Variants in TPO observed in about 807,000 individuals in gnomAD.
TPO encodes the protein thyroid peroxidase.
Under a neutral mutation model 96.9 loss-of-function variants are expected in TPO, and 78 were observed. The observed-to-expected ratio is 0.81, with a 90% CI of 0.67 to 0.97. TPO has a LOEUF of 0.97. TPO is among the 50% of genes least tolerant of loss of function. TPO has a pLI of 0.00. For missense variants in TPO, 1,252 were observed against 1,274.8 expected (o/e 0.98, Z 0.27); for synonymous variants, 547 against 538.0 (o/e 1.02, Z -0.23).
At chr2:1,392,832 G>A (rs754257955) in intron 1 of TPO, among the ~76,000 whole-genome samples, 16 of 152,064 alleles carry the variant, frequency 1.1e-4, no homozygotes, top group Non-Finnish European at 2.2e-4. Context: ...TGTGGGATTG[G>A]TGGTGATATC....
intron 2 of TPO, among the ~76,000 whole-genome samples, chr2:1,416,286 C>G (rs562327345): frequency 6.6e-6 from 1 of 152,286 alleles, no homozygotes; most frequent in African/African-American, 2.4e-5. Flanking sequence ...AGATGTTCAG[C>G]CAATGGTTTG....
chr2:1,393,365 C>A (rs1242612124), intron 1 of TPO, among the ~76,000 whole-genome samples: 2 of 152,234 alleles, frequency 1.3e-5, no homozygotes, highest in Non-Finnish European at 2.9e-5. Context: ...TCTTCCAACC[C>A]TGGGGATTGT....
chr2:1,516,453 A>G (rs778548895), intron 14 of TPO, among the ~76,000 whole-genome samples: 6 of 152,082 alleles, frequency 3.9e-5, no homozygotes, highest in Non-Finnish European at 8.8e-5. Context: ...GCAAAACCTC[A>G]CAGCGTTATA....
At chr2:1,398,141 A>G (rs1662112771) in intron 1 of TPO, among the ~76,000 whole-genome samples, 1 of 152,050 alleles carries the variant, frequency 6.6e-6, no homozygotes, top group African/African-American at 2.4e-5. Flanking sequence ...CTCAGGGATG[A>G]CTCCGGTGAG....
intron 1 of TPO, among the ~76,000 whole-genome samples, chr2:1,390,188 G>A (rs1661979656): frequency 1.3e-5 from 2 of 151,878 alleles, no homozygotes; most frequent in South Asian, 4.2e-4. Flanking sequence ...CCTCTGACAG[G>A]CCCCGGTGTG....
At chr2:1,476,058 G>A (rs1412078455) in intron 7 of TPO, among the ~76,000 whole-genome samples, 5 of 152,250 alleles carry the variant, frequency 3.3e-5, no homozygotes, top group Non-Finnish European at 7.3e-5. Flanking sequence ...CTCGCTGGCC[G>A]CATTTCCCTA....
intron 9 of TPO, among the ~76,000 whole-genome samples, chr2:1,486,094 G>A (rs186933545): frequency 1.6e-4 from 24 of 152,244 alleles, no homozygotes; most frequent in African/African-American, 5.1e-4. Context: ...TTTTCGCATC[G>A]ATGTTTATCA....
intron 11 of TPO, among the ~76,000 whole-genome samples, chr2:1,494,601 G>T (rs949710235): frequency 6.6e-6 from 1 of 152,212 alleles, no homozygotes; most frequent in South Asian, 2.1e-4. Context: ...GTTTGTACTG[G>T]AGGGAGTCAG....
intron 15 of TPO, 75 bp downstream of exon 15, chr2:1,517,057 C>G (rs1674791816): frequency 6.7e-7 from 1 of 1,494,446 alleles, no homozygotes; most frequent in African/African-American, 1.4e-5. Context: ...TGCAATGAAG[C>G]TGCTTTATTT....
rs574777248 is a variant in TPO, at chr2:1,421,192, C to T, written c.95-1853C>T. On this transcript the variant is annotated intron_variant, in intron 2 of 16. Transcript: ENST00000329066. ...GACTGAAAGCAAAAGGCACGACGGC[C>T]GGGAGCACTGAACGCTTGCCAGGCC... Among the ~76,000 whole-genome samples, 10 of 152,188 alleles carry T rather than the reference C, an allele frequency of 6.6e-5. No homozygotes were observed. The South Asian group carries it at 8.3e-4, about 13-fold the overall frequency.
chr2:1,538,052 C>T (rs1330539345), intron 15 of TPO, among the ~76,000 whole-genome samples: 1 of 94,606 alleles, frequency 1.1e-5, no homozygotes, highest in Non-Finnish European at 2.1e-5. Context: ...GTGCAACCTC[C>T]TCAAATCCCC....
intron 16 of TPO, chr2:1,541,285 G>A (rs777795162): frequency 8.3e-5 from 71 of 850,652 alleles, no homozygotes; most frequent in African/African-American, 6.1e-4. Flanking sequence ...GGAGGAGGGC[G>A]CCTCAGGTCT....
chr2:1,529,911 T>TC (rs1677660252), intron 15 of TPO, among the ~76,000 whole-genome samples: 1 of 65,704 alleles, frequency 1.5e-5, no homozygotes. Flanking sequence ...CTGTGCAAAC[T>TC]CCCCAAACCC....
intron 15 of TPO, among the ~76,000 whole-genome samples, chr2:1,536,792 G>T (rs1320168344): frequency 1.4e-4 from 2 of 14,042 alleles, no homozygotes; most frequent in African/African-American, 3.8e-4. Flanking sequence ...CAAATCCCCC[G>T]CAATCTGTGC....
At chr2:1,437,716 G>A (rs1573181538) in intron 5 of TPO, among the ~76,000 whole-genome samples, 1 of 152,222 alleles carries the variant, frequency 6.6e-6, no homozygotes, top group Admixed American at 6.5e-5. Flanking sequence ...ACCTGGCCAT[G>A]TGTGAGGATC....
intron 1 of TPO, among the ~76,000 whole-genome samples, chr2:1,375,377 T>A (rs7595877): frequency 2.0e-5 from 3 of 152,108 alleles, no homozygotes; most frequent in East Asian, 3.9e-4. Context: ...GTTGCTAAGA[T>A]TGAGAATGTG....
At chr2:1,477,653 G>A in intron 8 of TPO, 49 bp downstream of exon 8, 2 of 1,439,958 alleles carry the variant, frequency 1.4e-6, no homozygotes, top group East Asian at 2.7e-5. Flanking sequence ...GCAAAGCGGG[G>A]GGCGCCTCGT....
chr2:1,453,583 TCCGGAGAGACCC>T (rs1201355529), intron 5 of TPO, 99 bp from the exon 6 acceptor site: 1 of 1,571,726 alleles, frequency 6.4e-7, no homozygotes, highest in African/African-American at 1.4e-5. Context: ...CCCTTGGGCC[TCCGGAGAGACCC>T]CACTTATTCT....
Position 1,445,814 on chromosome 2 carries a change from A to G in TPO, c.483-7880A>G, listed in dbSNP as rs11687959. Among the ~76,000 whole-genome samples, 19 of 23,506 alleles carry G rather than the reference A, an allele frequency of 8.1e-4. 2 individuals carry two copies. Among genetic ancestry groups the G allele is most frequent in the Non-Finnish European group, 1.9e-3 (15 of 8,002 alleles). 15.4% of individuals were successfully genotyped at this position (23,506 alleles called of 152,430 possible). A position where few individuals can be genotyped will look rare whatever the true frequency, so the allele number is the denominator to read the frequency against. ...ACCACTCATTGCTGCAGGAGGTACC[A>G]TGTTGGAAGGGAATGGGGCAGGCTC... On this transcript the variant is annotated intron_variant, in intron 5 of 16. Coordinates refer to ENST00000329066, the MANE Select transcript of TPO (RefSeq NM_001206744.2).
Sources: gnomAD v4.1 joint callset for allele counts (sites outside exome capture counted in the v4.1 genomes callset) on GRCh38, gnomAD v4.1.1 for gene constraint, MANE v1.5 for transcripts, NCBI Gene and HGNC (gene_info 2026-07-23, HGNC 2026-07-21) for gene names.